Variants in DCC observed in about 807,000 individuals in gnomAD.
DCC encodes the protein netrin receptor DCC.
DCC carries 58 observed loss-of-function variants against 172.5 expected under a neutral mutation model. That is an observed-to-expected ratio of 0.34 (90% confidence interval 0.27 to 0.42). The LOEUF is 0.42. DCC is among the 10% of genes least tolerant of loss of function. DCC has a pLI of 1.00. For missense variants in DCC, 1,740 were observed against 1,791.0 expected (o/e 0.97, Z 0.51); for synonymous variants, 709 against 644.5 (o/e 1.10, Z -1.52).
chr18:52,830,534 G>A (rs1380917925), intron 2 of DCC, among the ~76,000 whole-genome samples: 1 of 152,094 alleles, frequency 6.6e-6, no homozygotes, highest in Non-Finnish European at 1.5e-5. Context: ...ATGTTAAGAG[G>A]CTATTGGATG....
chr18:53,388,839 C>T (rs1215948117), intron 16 of DCC, among the ~76,000 whole-genome samples: 2 of 152,128 alleles, frequency 1.3e-5, no homozygotes, highest in African/African-American at 4.8e-5. Flanking sequence ...AGCTGGAGTG[C>T]AGTGGTGCAG....
At chr18:53,280,832 G>A (rs72925321) in intron 12 of DCC, among the ~76,000 whole-genome samples, 6,172 of 152,014 alleles carry the variant, frequency 0.041, 175 homozygotes, top group Non-Finnish European at 0.059. Context: ...TATTCTAGTA[G>A]ACTGAACTAT....
At chr18:53,269,517 G>T (rs572276614) in intron 12 of DCC, among the ~76,000 whole-genome samples, 1 of 152,248 alleles carries the variant, frequency 6.6e-6, no homozygotes, top group Admixed American at 6.5e-5. Flanking sequence ...TGCATGCAAA[G>T]AATAGGAAAA....
rs139779414 is a variant in DCC, at chr18:52,580,576, T to G, written c.92-171478T>G. Among the ~76,000 whole-genome samples the G allele has an allele frequency of 1.1e-4, 17 of 152,294 alleles. No individual in the cohort carries two copies. In the East Asian group the frequency reaches 2.5e-3, roughly 22 times the overall value. ...GTATTTATAAATTACACAGACAAATTATTTTTTGCTTAGGAAAGTTATCTG... is the reference window on the plus strand; with the variant it reads ...GTATTTATAAATTACACAGACAAATGATTTTTTGCTTAGGAAAGTTATCTG... On this transcript the variant is annotated intron_variant, in intron 1 of 28. Coordinates refer to ENST00000442544, the MANE Select transcript of DCC (RefSeq NM_005215.4).
chr18:52,548,751 A>G (rs1483631688), intron 1 of DCC, among the ~76,000 whole-genome samples: 2 of 152,092 alleles, frequency 1.3e-5, no homozygotes, highest in Admixed American at 6.6e-5. Context: ...TTACATTCAG[A>G]TGGAATATTT....
At chr18:52,382,363 A>G (rs1486716214) in intron 1 of DCC, among the ~76,000 whole-genome samples, 2 of 152,108 alleles carry the variant, frequency 1.3e-5, no homozygotes, top group East Asian at 3.9e-4. Flanking sequence ...ATTAACCACA[A>G]CTACATGCAG....
intron 5 of DCC, among the ~76,000 whole-genome samples, chr18:52,963,157 G>A (rs1220318318): frequency 1.3e-5 from 2 of 151,410 alleles, no homozygotes; most frequent in Non-Finnish European, 2.9e-5. Flanking sequence ...TAAAAATTTG[G>A]AGCCAATTTG....
intron 5 of DCC, among the ~76,000 whole-genome samples, chr18:53,046,044 A>G (rs1302310750): frequency 1.3e-5 from 2 of 151,874 alleles, no homozygotes; most frequent in Non-Finnish European, 2.9e-5. Context: ...CAGTGAAATT[A>G]CTATGAACTC....
chr18:53,194,871 C>A (rs925199978), intron 9 of DCC, among the ~76,000 whole-genome samples: 1 of 152,226 alleles, frequency 6.6e-6, no homozygotes, highest in Non-Finnish European at 1.5e-5. Context: ...CATACATAAT[C>A]TCTTCATGTT....
At chr18:52,405,075 C>G (rs1031776829) in intron 1 of DCC, among the ~76,000 whole-genome samples, 141 of 151,284 alleles carry the variant, frequency 9.3e-4, no homozygotes, top group Non-Finnish European at 4.3e-4. Flanking sequence ...TTGGACATTT[C>G]GGTTGGTTCC....
At chr18:52,629,386 T>A (rs921064859) in intron 1 of DCC, among the ~76,000 whole-genome samples, 1 of 152,194 alleles carries the variant, frequency 6.6e-6, no homozygotes, top group Non-Finnish European at 1.5e-5. Context: ...AAACAATGAC[T>A]AGATCCCTAT....
intron 5 of DCC, among the ~76,000 whole-genome samples, chr18:52,962,366 A>T (rs1438892884): frequency 6.7e-6 from 1 of 150,276 alleles, no homozygotes; most frequent in East Asian, 1.9e-4. Flanking sequence ...GCTCATCATC[A>T]CTGGCCATCA....
At chr18:53,444,960 A>G (rs1181898172) in intron 22 of DCC, among the ~76,000 whole-genome samples, 1 of 152,160 alleles carries the variant, frequency 6.6e-6, no homozygotes, top group Non-Finnish European at 1.5e-5. Context: ...TCTTCAACAC[A>G]TATTTATGGA....
chr18:52,572,572 C>A (rs1301063064), intron 1 of DCC, among the ~76,000 whole-genome samples: 2 of 152,124 alleles, frequency 1.3e-5, no homozygotes, highest in Non-Finnish European at 2.9e-5. Context: ...AGTTGAGGGC[C>A]GTGACTGTAT....
At chr18:52,928,544 C>T (rs1230497632) in intron 5 of DCC, among the ~76,000 whole-genome samples, 2 of 152,122 alleles carry the variant, frequency 1.3e-5, no homozygotes, top group African/African-American at 2.4e-5. Context: ...TACATATGCA[C>T]ACATGTGCGT....
chr18:53,030,532 T>G (rs761194722), intron 5 of DCC, among the ~76,000 whole-genome samples: 8 of 152,126 alleles, frequency 5.3e-5, no homozygotes, highest in Non-Finnish European at 1.0e-4. Context: ...TACTAATTTA[T>G]GAAAACTTAG....
intron 5 of DCC, among the ~76,000 whole-genome samples, chr18:53,042,912 G>A (rs1245876949): frequency 6.6e-6 from 1 of 151,866 alleles, no homozygotes; most frequent in Non-Finnish European, 1.5e-5. Context: ...GATTCTTCAA[G>A]GATCTAGAAT....
chr18:53,103,492 C>T (rs377661275), intron 7 of DCC, among the ~76,000 whole-genome samples: 25 of 152,154 alleles, frequency 1.6e-4, no homozygotes, highest in African/African-American at 6.0e-4. Flanking sequence ...TCCCTTTTGC[C>T]TCAGCTTCCA....
chr18:52,857,817 A>T (rs140031334), intron 2 of DCC, among the ~76,000 whole-genome samples: 23 of 152,308 alleles, frequency 1.5e-4, no homozygotes, highest in African/African-American at 5.1e-4. Context: ...TGGGCTGAGG[A>T]AAAAGGATTA....
Sources: gnomAD v4.1 joint callset for allele counts (sites outside exome capture counted in the v4.1 genomes callset) on GRCh38, gnomAD v4.1.1 for gene constraint, MANE v1.5 for transcripts, NCBI Gene and HGNC (gene_info 2026-07-23, HGNC 2026-07-21) for gene names.